Variants in ABCB5 observed in about 807,000 individuals in gnomAD.
The protein encoded by ABCB5 is ATP binding cassette subfamily B member 5, also known as ATP-binding cassette sub-family B member 5.
A neutral mutation model predicts 144.2 loss-of-function variants in ABCB5; 155 were observed. The ratio of observed to expected loss-of-function variants is 1.08; its 90% confidence interval spans 0.94 to 1.23. ABCB5 has a LOEUF of 1.23. Among genes scored for constraint, ABCB5 ranks in the 50% most tolerant of loss-of-function variants. The probability of loss-of-function intolerance (pLI) is 0.00; values close to 1 mark genes in which losing one functional copy is unlikely to be tolerated. For missense variants in ABCB5, 1,830 were observed against 1,520.8 expected (o/e 1.20, Z -3.38); for synonymous variants, 610 against 528.6 (o/e 1.15, Z -2.11).
At chr7:20,720,907 G>A (rs1334138767) in intron 20 of ABCB5, among the ~76,000 whole-genome samples, 1 of 124,632 alleles carries the variant, frequency 8.0e-6, no homozygotes. Flanking sequence ...TCGCGCCACT[G>A]CACTCCAGCC....
At position 20,695,760 on chromosome 7, in the gene ABCB5, T is replaced by G. The variant is rs1258829179; in HGVS notation, c.2011-2647T>G. ...CCCAATTAAATGTCAGCAAAAGATT[T>G]GAAAAGGCATTTTGCTAAACAAGAT... On this transcript the variant is annotated intron_variant, in intron 16 of 27. Transcript: ENST00000404938. 3.9e-5 allele frequency among the ~76,000 whole-genome samples: 6 copies of G among 151,990 alleles called. No individual in the cohort carries two copies. The East Asian group carries it at 1.2e-3, about 29-fold the overall frequency.
chr7:20,711,940 T>G (rs2128046511), intron 20 of ABCB5, among the ~76,000 whole-genome samples: 1 of 138,246 alleles, frequency 7.2e-6, no homozygotes, highest in Non-Finnish European at 1.6e-5. Flanking sequence ...TTTCTTTCTT[T>G]CTTTCAAGAT....
intron 23 of ABCB5, among the ~76,000 whole-genome samples, chr7:20,732,329 C>CA (rs1782247261): frequency 6.6e-6 from 1 of 152,220 alleles, no homozygotes; most frequent in Admixed American, 6.5e-5. Flanking sequence ...CCCTCCTCAT[C>CA]ACTCTCTTTC....
rs73687894 is a variant in ABCB5, at chr7:20,745,447, A to G, written c.3429+9A>G. 6.2e-6 allele frequency: 10 copies of G among 1,613,636 alleles called. No individual in the cohort carries two copies. The highest frequency in any genetic ancestry group is 8.5e-6 in the Non-Finnish European group (10 of 1,179,856). On this transcript the variant is annotated intron_variant, in intron 26 of 27. Coordinates refer to ENST00000404938, the MANE Select transcript of ABCB5 (RefSeq NM_001163941.2). ...TTGAAGGTCTCCCTGAGGTAAGAAAATTTCTGAAATCTTGAATTATAAAGC... is the reference window on the plus strand; with the variant it reads ...TTGAAGGTCTCCCTGAGGTAAGAAAGTTTCTGAAATCTTGAATTATAAAGC...
At chr7:20,673,639 C>T (rs1785519210) in intron 14 of ABCB5, among the ~76,000 whole-genome samples, 1 of 151,800 alleles carries the variant, frequency 6.6e-6, no homozygotes, top group African/African-American at 2.4e-5. Context: ...TAGTCTTAAC[C>T]TCTTTGTTTC....
chr7:20,629,145 CGT>C (rs149986314), intron 4 of ABCB5, among the ~76,000 whole-genome samples: 10,924 of 135,050 alleles, frequency 0.081, 471 homozygotes, highest in East Asian at 0.14. Context: ...AGAGAGACTG[CGT>C]GTGTGTGTGT....
At chr7:20,657,626 G>A (rs1190453184) in intron 13 of ABCB5, among the ~76,000 whole-genome samples, 3 of 152,122 alleles carry the variant, frequency 2.0e-5, no homozygotes, top group Non-Finnish European at 4.4e-5. Context: ...TATGGGTTTT[G>A]ACTGAAAAAA....
chr7:20,723,369 G>C, intron 21 of ABCB5, 150 bp downstream of exon 21: 1 of 723,070 alleles, frequency 1.4e-6, no homozygotes, highest in Non-Finnish European at 2.3e-6. Flanking sequence ...TATAGAGAGA[G>C]AAATGCATAC....
At chr7:20,635,246 T>C (rs1224011254) in intron 5 of ABCB5, among the ~76,000 whole-genome samples, 2 of 152,136 alleles carry the variant, frequency 1.3e-5, no homozygotes, top group Non-Finnish European at 2.9e-5. Flanking sequence ...TTCTCTATTC[T>C]TTTTCCTTGA....
At chr7:20,622,165 C>A (rs778484677) in intron 1 of ABCB5, among the ~76,000 whole-genome samples, 6 of 152,098 alleles carry the variant, frequency 3.9e-5, no homozygotes, top group Non-Finnish European at 8.8e-5. Flanking sequence ...CATGCACTTA[C>A]CAAGGCGAGG....
rs2128040153 is a variant in ABCB5 at position 20,685,767 on chromosome 7, T to C, written c.1941T>C (p.Pro647=). 2 of 1,613,812 alleles carry C rather than the reference T, an allele frequency of 1.2e-6. No individual in the cohort carries two copies. Among genetic ancestry groups the C allele is most frequent in the East Asian group, 4.5e-5 (2 of 44,850 alleles). Residue 647 remains proline, a synonymous_variant, in exon 16 of 28, where the codon CCT becomes CCC. Transcript: ENST00000404938. ...YSTERKTNSL[P]LHSVKSIKSD... ...CTGAAAGAAAGACCAACTCACTTCC[T>C]CTGCACTCTGTGAAGAGCATCAAGT...
chr7:20,685,771 CA>C lies in ABCB5; in HGVS notation c.1946del (p.His649ProfsTer3), dbSNP rs760838984. ...TERKTNSLPL[H>X]SVKSIKSDFI... is the part of the protein sequence containing the mutation. ...AAGAAAGACCAACTCACTTCCTCTG[CA>C]CTCTGTGAAGAGCATCAAGTCAGAC... On this transcript the variant is annotated frameshift_variant, in exon 16 of 28. Transcript: ENST00000404938. LOFTEE classifies it high-confidence loss of function. The C allele has an allele frequency of 6.2e-7, 1 of 1,613,698 alleles. No homozygotes were observed. The highest frequency in any genetic ancestry group is 1.1e-5 in the South Asian group (1 of 91,014).
In ABCB5 at chr7:20,721,006, G is replaced by A. The variant is rs577607208; in HGVS notation, c.2422-2010G>A. On this transcript the variant is annotated intron_variant, in intron 20 of 27. Coordinates refer to ENST00000404938, the MANE Select transcript of ABCB5 (RefSeq NM_001163941.2). ...TTCCATATTAAAGGAGACTAAAGAGGCCTGACACCTAAATGAAATGTGTGA... is the reference window on the plus strand; with the variant it reads ...TTCCATATTAAAGGAGACTAAAGAGACCTGACACCTAAATGAAATGTGTGA... Among the ~76,000 whole-genome samples, 151 of 150,854 alleles carry A rather than the reference G, an allele frequency of 1.0e-3. 2 individuals carry two copies. The highest frequency in any genetic ancestry group is 3.5e-3 in the African/African-American group (143 of 41,036).
At chr7:20,635,879 A>G (rs1784145939) in intron 5 of ABCB5, among the ~76,000 whole-genome samples, 1 of 152,148 alleles carries the variant, frequency 6.6e-6, no homozygotes, top group Non-Finnish European at 1.5e-5. Context: ...TCCAATTTGG[A>G]TGCCTTTTAT....
At chr7:20,703,276 C>T (rs1786695876) in intron 19 of ABCB5, among the ~76,000 whole-genome samples, 1 of 152,182 alleles carries the variant, frequency 6.6e-6, no homozygotes, top group African/African-American at 2.4e-5. Context: ...TGATGTCTTT[C>T]AGTTCAGCAG....
chr7:20,635,284 C>T (rs945059925), intron 5 of ABCB5, among the ~76,000 whole-genome samples: 21 of 151,736 alleles, frequency 1.4e-4, no homozygotes, highest in Non-Finnish European at 1.5e-4. Context: ...ATACCAGTAC[C>T]ATGATATTTT....
chr7:20,651,755 G>C, intron 13 of ABCB5, 132 bp downstream of exon 13: 1 of 952,614 alleles, frequency 1.0e-6, no homozygotes, highest in Non-Finnish European at 1.6e-6. Flanking sequence ...CCTAGAACAA[G>C]CTTGTCCAAC....
intron 5 of ABCB5, among the ~76,000 whole-genome samples, chr7:20,636,993 G>A (rs1024468925): frequency 3.9e-5 from 6 of 152,004 alleles, no homozygotes; most frequent in South Asian, 2.1e-4. Flanking sequence ...TGACAAATAC[G>A]GATAGTAAAG....
intron 14 of ABCB5, among the ~76,000 whole-genome samples, chr7:20,681,036 C>T (rs1199878304): frequency 8.3e-6 from 1 of 120,414 alleles, no homozygotes; most frequent in Non-Finnish European, 1.7e-5. Context: ...CTTTCTTTCT[C>T]TTTCTTTCTT....
Sources: allele counts gnomAD v4.1 joint callset (sites outside exome capture counted in the v4.1 genomes callset), GRCh38; gene constraint gnomAD v4.1.1; transcripts MANE v1.5; gene names NCBI Gene and HGNC (gene_info 2026-07-23, HGNC 2026-07-21).